Variants in SLC8A1 observed in about 807,000 individuals in gnomAD.
SLC8A1 encodes sodium/calcium exchanger 1.
In SLC8A1, 18 loss-of-function variants were observed where a neutral mutation model predicts 68.3. That is an observed-to-expected ratio of 0.26 (90% CI 0.18 to 0.39). The LOEUF (loss-of-function observed/expected upper bound fraction) is 0.39, where lower values mean the gene tolerates loss of function less well. SLC8A1 is among the 10% of genes least tolerant of loss of function. The pLI is 1.00. For missense variants in SLC8A1, 985 were observed against 1,156.7 expected (o/e 0.85, Z 2.15); for synonymous variants, 475 against 415.5 (o/e 1.14, Z -1.74).
Position 40,463,837 on chromosome 2 carries a change from CAT to C in SLC8A1, c.-24-33535_-24-33534del, listed in dbSNP as rs1471507601. Among the ~76,000 whole-genome samples the C allele has an allele frequency of 6.5e-4, 69 of 106,626 alleles. 1 individual carries two copies. The highest frequency in any genetic ancestry group is 1.7e-3 in the East Asian group (7 of 4,144). 70.0% of individuals were successfully genotyped at this position (106,626 alleles called of 152,430 possible). Reference sequence around the variant, plus strand: ...GAGGATATATACATACACACACACACATACACACACACACACACACACACACA... The same window carrying C: ...GAGGATATATACATACACACACACACACACACACACACACACACACACACA... On this transcript the variant is annotated intron_variant, in intron 1 of 7. Transcript: ENST00000402441.
At chr2:40,332,333 G>A (rs369970116) in intron 2 of SLC8A1, among the ~76,000 whole-genome samples, 1 of 149,486 alleles carries the variant, frequency 6.7e-6, no homozygotes, top group African/African-American at 2.5e-5. Context: ...CTTTGAGACT[G>A]CAAGTCCTGA....
intron 2 of SLC8A1, among the ~76,000 whole-genome samples, chr2:40,323,584 C>A (rs1044912679): frequency 1.3e-5 from 2 of 151,940 alleles, no homozygotes; most frequent in Admixed American, 1.3e-4. Context: ...AATTCAAGTA[C>A]CAGGAAACAG....
chr2:40,241,053 G>A (rs529594270), intron 2 of SLC8A1, among the ~76,000 whole-genome samples: 13 of 152,212 alleles, frequency 8.5e-5, no homozygotes, highest in East Asian at 7.7e-4. Context: ...GGACTTGCAC[G>A]TTCATCACTA....
chr2:40,412,416 G>A (rs1314818912), intron 2 of SLC8A1, among the ~76,000 whole-genome samples: 1 of 152,008 alleles, frequency 6.6e-6, no homozygotes. Flanking sequence ...ACCATTTATG[G>A]TATATTAGGC....
At chr2:40,415,408 A>G (rs1351991060) in intron 2 of SLC8A1, among the ~76,000 whole-genome samples, 1 of 151,046 alleles carries the variant, frequency 6.6e-6, no homozygotes. Flanking sequence ...AGAAAAATCA[A>G]TTGTTCTAAT....
At chr2:40,359,502 G>A (rs1254494939) in intron 2 of SLC8A1, among the ~76,000 whole-genome samples, 1 of 152,130 alleles carries the variant, frequency 6.6e-6, no homozygotes, top group Non-Finnish European at 1.5e-5. Flanking sequence ...GATCTTCGCA[G>A]CTTCTGGGTA....
intron 2 of SLC8A1, among the ~76,000 whole-genome samples, chr2:40,269,574 T>C (rs1033680453): frequency 3.1e-4 from 47 of 152,120 alleles, no homozygotes; most frequent in African/African-American, 1.1e-3. Context: ...TTACATAGGA[T>C]GGAACATTAC....
chr2:40,458,349 A>G (rs1703146456), intron 1 of SLC8A1, among the ~76,000 whole-genome samples: 2 of 152,082 alleles, frequency 1.3e-5, no homozygotes, highest in South Asian at 4.1e-4. Context: ...AGTCCAGTCC[A>G]TTACTATGGG....
intron 1 of SLC8A1, among the ~76,000 whole-genome samples, chr2:40,458,692 G>A (rs1033829455): frequency 3.3e-5 from 5 of 152,024 alleles, no homozygotes; most frequent in Non-Finnish European, 2.9e-5. Context: ...CAATCTGACC[G>A]AGCCTCAGGC....
chr2:40,413,032 C>T (rs1576277819), intron 2 of SLC8A1, among the ~76,000 whole-genome samples: 2 of 152,198 alleles, frequency 1.3e-5, no homozygotes, highest in South Asian at 4.1e-4. Flanking sequence ...AGGTATATCA[C>T]CTAATGCTAC....
chr2:40,368,701 C>T (rs1267422762), intron 2 of SLC8A1, among the ~76,000 whole-genome samples: 1 of 151,944 alleles, frequency 6.6e-6, no homozygotes, highest in African/African-American at 2.4e-5. Flanking sequence ...CAGGTTAAGC[C>T]TAGTACCCGT....
chr2:40,423,922 A>T (rs1186856550), intron 2 of SLC8A1, among the ~76,000 whole-genome samples: 1 of 152,004 alleles, frequency 6.6e-6, no homozygotes, highest in East Asian at 1.9e-4. Flanking sequence ...AAAGACATAA[A>T]TATTCTGTTC....
intron 2 of SLC8A1, among the ~76,000 whole-genome samples, chr2:40,342,169 G>C (rs958879375): frequency 1.3e-5 from 2 of 152,080 alleles, no homozygotes; most frequent in African/African-American, 4.8e-5. Context: ...TAGTTGAAAA[G>C]ATAACCCCAA....
At chr2:40,332,034 C>G (rs2076467244) in intron 2 of SLC8A1, among the ~76,000 whole-genome samples, 1 of 152,030 alleles carries the variant, frequency 6.6e-6, no homozygotes, top group South Asian at 2.1e-4. Context: ...ACTGTAACCT[C>G]AAACTCCTTG....
intron 2 of SLC8A1, among the ~76,000 whole-genome samples, chr2:40,401,426 A>AT (rs143165925): frequency 3.1e-4 from 47 of 151,632 alleles, no homozygotes; most frequent in Admixed American, 1.6e-3. Flanking sequence ...CTTCTATGCT[A>AT]TTTTTTTTAA....
chr2:40,178,749 G>A (rs2048924545), intron 2 of SLC8A1, among the ~76,000 whole-genome samples: 1 of 152,122 alleles, frequency 6.6e-6, no homozygotes, highest in African/African-American at 2.4e-5. Context: ...GTATTAATAG[G>A]TTTGTCATCA....
chr2:40,139,184 G>A lies in SLC8A1; in HGVS notation c.2437+217C>T, dbSNP rs771071108. On this transcript the variant is annotated intron_variant, in intron 7 of 7. Coordinates refer to ENST00000406785, the Ensembl canonical transcript of SLC8A1. ...CCGTGGAGACCCTCTGGGGATCTGG[G>A]ATGCTTTCCTGTCATTGCAATGACA... Among the ~76,000 whole-genome samples the A allele has an allele frequency of 3.0e-4, 45 of 152,228 alleles. 1 individual carries two copies. The Middle Eastern group carries it at 0.01, about 35-fold the overall frequency.
intron 2 of SLC8A1, among the ~76,000 whole-genome samples, chr2:40,200,943 A>C (rs1380884347): frequency 6.6e-6 from 1 of 151,868 alleles, no homozygotes; most frequent in Non-Finnish European, 1.5e-5. Context: ...TAATATTACA[A>C]AGAATGCTAA....
At chr2:40,416,799 A>C (rs1694019904) in intron 2 of SLC8A1, among the ~76,000 whole-genome samples, 1 of 151,966 alleles carries the variant, frequency 6.6e-6, no homozygotes, top group Non-Finnish European at 1.5e-5. Context: ...TCTCTATTTT[A>C]TTAGGTTGGT....
Sources: allele counts gnomAD v4.1 joint callset (sites outside exome capture counted in the v4.1 genomes callset), GRCh38; gene constraint gnomAD v4.1.1; transcripts MANE v1.5; gene names NCBI Gene and HGNC (gene_info 2026-07-23, HGNC 2026-07-21).